Variants in EBF1 observed in about 807,000 individuals in gnomAD.
EBF1 encodes the protein EBF transcription factor 1.
Under a neutral mutation model 68.4 loss-of-function variants are expected in EBF1, and 10 were observed. That is an observed-to-expected ratio of 0.15 (90% CI 0.09 to 0.25). The LOEUF is 0.25. Ranked by LOEUF, EBF1 falls within the 10% of genes least tolerant of loss-of-function variation. The pLI, the probability that EBF1 is intolerant of heterozygous loss-of-function variation, is 1.00. For missense variants in EBF1, 509 were observed against 794.4 expected, an observed-to-expected ratio of 0.64 and a Z score of 4.32; for synonymous variants, 298 against 299.8, an observed-to-expected ratio of 0.99 and a Z score of 0.06.
intron 15 of EBF1, among the ~76,000 whole-genome samples, chr5:158,706,083 T>C (rs563529763): frequency 5.9e-5 from 9 of 152,342 alleles, no homozygotes; most frequent in African/African-American, 2.2e-4. Context: ...AAAGCATTAT[T>C]TTTAGCTGAA....
intron 6 of EBF1, among the ~76,000 whole-genome samples, chr5:159,039,704 CATACT>C (rs1368039625): frequency 2.0e-5 from 3 of 152,210 alleles, no homozygotes; most frequent in African/African-American, 7.2e-5. Flanking sequence ...AAAACCAACA[CATACT>C]ATTATTCCTT....
At chr5:159,087,090 C>T (rs550025277) in intron 4 of EBF1, among the ~76,000 whole-genome samples, 12 of 151,916 alleles carry the variant, frequency 7.9e-5, no homozygotes, top group African/African-American at 2.7e-4. Context: ...ATTAGTACTA[C>T]ATGGTTTGTA....
chr5:158,731,274 A>C, intron 10 of EBF1, 117 bp from the exon 11 acceptor site: 1 of 924,036 alleles, frequency 1.1e-6, no homozygotes, highest in Non-Finnish European at 1.7e-6. Flanking sequence ...ATACTTTTGA[A>C]TTGGATCACA....
intron 9 of EBF1, among the ~76,000 whole-genome samples, chr5:158,781,279 T>C (rs1347270270): frequency 6.6e-6 from 1 of 152,202 alleles, no homozygotes; most frequent in African/African-American, 2.4e-5. Context: ...CTCTTATTCA[T>C]TGATTCCTGA....
intron 6 of EBF1, among the ~76,000 whole-genome samples, chr5:159,062,512 T>A (rs1348588975): frequency 6.6e-6 from 1 of 152,140 alleles, no homozygotes; most frequent in Non-Finnish European, 1.5e-5. Context: ...AGAGAATTCA[T>A]TAACCCTTCA....
intron 15 of EBF1, among the ~76,000 whole-genome samples, chr5:158,702,858 G>A (rs59815599): frequency 1.3e-5 from 2 of 150,442 alleles, no homozygotes; most frequent in Non-Finnish European, 2.9e-5. Context: ...AAAAAATGAC[G>A]ATTCCATAGG....
intron 6 of EBF1, among the ~76,000 whole-genome samples, chr5:158,992,059 C>T (rs562793321): frequency 5.3e-4 from 81 of 152,138 alleles, no homozygotes; most frequent in Middle Eastern, 6.8e-3. Flanking sequence ...GCTCACCACA[C>T]GGGGCTAAGA....
chr5:158,763,118 C>T (rs1417640865), intron 10 of EBF1, among the ~76,000 whole-genome samples: 2 of 152,148 alleles, frequency 1.3e-5, no homozygotes, highest in African/African-American at 4.8e-5. Flanking sequence ...CAGAAGATCA[C>T]CGAATAAAGG....
chr5:158,969,823 AAGAC>A (rs1348126437), intron 6 of EBF1, among the ~76,000 whole-genome samples: 7 of 147,916 alleles, frequency 4.7e-5, no homozygotes, highest in African/African-American at 1.5e-4. Context: ...AAAGGAAAGA[AAGAC>A]AGAAAAGAAA....
At chr5:158,855,518 C>T (rs1793808982) in intron 6 of EBF1, among the ~76,000 whole-genome samples, 1 of 152,194 alleles carries the variant, frequency 6.6e-6, no homozygotes, top group Non-Finnish European at 1.5e-5. Context: ...CTTCCCCACC[C>T]TGGGTCCTGG....
intron 6 of EBF1, among the ~76,000 whole-genome samples, chr5:159,033,529 C>T (rs183570051): frequency 2.6e-5 from 4 of 152,234 alleles, no homozygotes; most frequent in African/African-American, 4.8e-5. Flanking sequence ...AAAGTTAAAA[C>T]GTCTTTTTCG....
At chr5:158,906,949 A>T (rs974535539) in intron 6 of EBF1, among the ~76,000 whole-genome samples, 1 of 152,254 alleles carries the variant, frequency 6.6e-6, no homozygotes, top group African/African-American at 2.4e-5. Flanking sequence ...CTTTTGTCCC[A>T]CATAACTCTG....
intron 10 of EBF1, among the ~76,000 whole-genome samples, chr5:158,766,489 T>C (rs1772687180): frequency 6.6e-6 from 1 of 152,190 alleles, no homozygotes. Context: ...ACAAAATTTA[T>C]ATGTGAAATA....
chr5:158,858,218 G>A (rs748850719), intron 6 of EBF1, among the ~76,000 whole-genome samples: 4 of 152,084 alleles, frequency 2.6e-5, no homozygotes, highest in East Asian at 3.9e-4. Flanking sequence ...GCATTTCACC[G>A]GCTGCATCTA....
At chr5:158,995,291 G>A (rs1761165486) in intron 6 of EBF1, among the ~76,000 whole-genome samples, 1 of 152,194 alleles carries the variant, frequency 6.6e-6, no homozygotes, top group Non-Finnish European at 1.5e-5. Context: ...TATTGGTGGT[G>A]TCTTCATGAT....
At chr5:158,716,391 C>T (rs1437925520) in intron 11 of EBF1, among the ~76,000 whole-genome samples, 1 of 152,152 alleles carries the variant, frequency 6.6e-6, no homozygotes, top group Admixed American at 6.6e-5. Context: ...ATCCACCATG[C>T]TGGGGCATGT....
At chr5:158,889,055 G>A (rs769291100) in intron 6 of EBF1, among the ~76,000 whole-genome samples, 8 of 151,970 alleles carry the variant, frequency 5.3e-5, no homozygotes, top group Non-Finnish European at 1.0e-4. Context: ...CCCCACATAT[G>A]TTCCCCACTG....
At chr5:158,979,638 G>A (rs79876699) in intron 6 of EBF1, among the ~76,000 whole-genome samples, 5,368 of 151,248 alleles carry the variant, frequency 0.035, 144 homozygotes, top group Middle Eastern at 0.058. Context: ...TTGTGAGTTA[G>A]ACTAGACTTT....
chr5:158,818,323 T>C (rs1370613065), intron 8 of EBF1, among the ~76,000 whole-genome samples: 2 of 152,124 alleles, frequency 1.3e-5, no homozygotes, highest in African/African-American at 4.8e-5. Flanking sequence ...GAAAAACACA[T>C]TTAAATGCAG....
Sources: gnomAD v4.1 joint callset for allele counts (sites outside exome capture counted in the v4.1 genomes callset) on GRCh38, gnomAD v4.1.1 for gene constraint, MANE v1.5 for transcripts, NCBI Gene and HGNC (gene_info 2026-07-23, HGNC 2026-07-21) for gene names.